GGT5: variants seen among roughly 807,000 people sequenced by gnomAD.
GGT5 encodes the protein gamma-glutamyltransferase 5, also known as glutathione hydrolase 5 proenzyme.
A neutral mutation model predicts 58.1 loss-of-function variants in GGT5; 50 were observed. The ratio of observed to expected loss-of-function variants is 0.86; its 90% confidence interval spans 0.69 to 1.09. The LOEUF is 1.09. Ranked by LOEUF, GGT5 falls within the 50% of genes least tolerant of loss-of-function variation. The pLI, the probability that GGT5 is intolerant of heterozygous loss-of-function variation, is 0.00. For synonymous variants in GGT5, 370 were observed against 346.1 expected (o/e 1.07, Z -0.77); for missense variants, 800 against 789.4 (o/e 1.01, Z -0.16).
chr22:24,220,016 TAC>T lies in GGT5; in HGVS notation c.1713_1714del (p.Tyr572ArgfsTer23). On this transcript the variant is annotated frameshift_variant, in exon 12 of 12. Coordinates refer to ENST00000327365, the MANE Select transcript of GGT5 (RefSeq NM_004121.5). LOFTEE classifies it high-confidence loss of function. ...ACTCTTCCTCAGGTCCGAGACGGCG[TAC>T]ACACAGGCCCCCTCCTGGGACACAG... 1 of 1,614,084 alleles carries T rather than the reference TAC, an allele frequency of 6.2e-7. No homozygotes were observed. The highest frequency in any genetic ancestry group is 8.5e-7 in the Non-Finnish European group (1 of 1,179,964).
chr22:24,239,156 A>G (rs981528931), intron 1 of GGT5, among the ~76,000 whole-genome samples: 11 of 148,100 alleles, frequency 7.4e-5, no homozygotes, highest in African/African-American at 1.5e-4. Flanking sequence ...TGGCTAACAC[A>G]GTGAAACCCG....
In GGT5 at chr22:24,244,812, A is replaced by C. The variant is rs2048432330; in HGVS notation, c.-87T>G. 6.7e-7 allele frequency: 1 copy of C among 1,489,368 alleles called. No individual in the cohort carries two copies. Among genetic ancestry groups the C allele is most frequent in the African/African-American group, 1.4e-5 (1 of 71,782 alleles). 92.3% of individuals were successfully genotyped at this position (1,489,368 alleles called of 1,614,324 possible). ...CAGATGAATGGACAAGAAGATGCAC[A>C]GAGTCACAGGTAATTGGACAGATGG... is the stretch of plus-strand genomic sequence containing the variant. On this transcript the variant is annotated 5_prime_UTR_variant, in exon 1 of 12. Coordinates refer to ENST00000327365, the MANE Select transcript of GGT5 (RefSeq NM_004121.5).
chr22:24,231,701 C>T (rs377587680), intron 5 of GGT5, among the ~76,000 whole-genome samples, 171 bp from the exon 6 acceptor site: 6 of 152,056 alleles, frequency 3.9e-5, no homozygotes, highest in African/African-American at 1.2e-4. Context: ...TGGGGCCAGG[C>T]GTGGAGGGGT....
At chr22:24,231,993 C>T (rs2047955487) in intron 5 of GGT5, 58 bp downstream of exon 5, 1 of 1,468,708 alleles carries the variant, frequency 6.8e-7, no homozygotes, top group South Asian at 1.2e-5. Flanking sequence ...ACCCCCAGTG[C>T]CCAGAACTTG....
In GGT5 at chr22:24,231,393, C is replaced by T. The variant is rs1318930454; in HGVS notation, c.892G>A (p.Val298Met). 1.9e-6 allele frequency: 3 copies of T among 1,548,668 alleles called. No individual in the cohort carries two copies. Among genetic ancestry groups the T allele is most frequent in the African/African-American group, 1.4e-5 (1 of 72,944 alleles). Reference sequence around the variant, plus strand: ...TGGGCAGGGGCTTTACCTCTTAGCACGTTGAGGATAAAGCTGAGAATGGCA... The same window carrying T: ...TGGGCAGGGGCTTTACCTCTTAGCATGTTGAGGATAAAGCTGAGAATGGCA... ...GGAILSFILN[V>M]LRGFNFSTES... The change falls in exon 6 of 12, where the codon GTG becomes ATG. Residue 298 changes from valine to methionine, a missense_variant. By Grantham distance (21) the Val-to-Met change is conservative (BLOSUM62 1). Transcript: ENST00000327365.
intron 11 of GGT5, chr22:24,220,719 G>A (rs1200292296): frequency 4.4e-6 from 2 of 453,272 alleles, no homozygotes; most frequent in African/African-American, 4.0e-5. Context: ...AACAAAGCAA[G>A]ACACCGTCTC....
At position 24,230,686 on chromosome 22, in the gene GGT5, C is replaced by T. The variant is rs1347550052; in HGVS notation, c.901+698G>A. Reference sequence around the variant, plus strand: ...CTCTTTGAAAACTTTTGTCTTCCTTCACCTCCCTGAATACACACATAGTTT... The same window carrying T: ...CTCTTTGAAAACTTTTGTCTTCCTTTACCTCCCTGAATACACACATAGTTT... On this transcript the variant is annotated intron_variant, in intron 6 of 11. Transcript: ENST00000327365. Among the ~76,000 whole-genome samples, 3 of 152,290 alleles carry T rather than the reference C, an allele frequency of 2.0e-5. No individual in the cohort carries two copies. In the East Asian group the frequency reaches 5.8e-4, roughly 29 times the overall value.
chr22:24,225,040 C>T lies in GGT5; in HGVS notation c.1570G>A (p.Val524Ile), dbSNP rs1393864202. ...TACTCCACACAGCCCTTGCTGTTGA[C>T]ATGCAGGATGGGGGCTGCAATGGCC... ...RAAIAAPILH[V>I]NSKGCVEYEP... The change falls in exon 11 of 12, where the codon GTC becomes ATC. Residue 524 changes from valine (V) to isoleucine (I), a missense_variant. Val to Ile is a conservative substitution (Grantham distance 29, BLOSUM62 3). Coordinates refer to ENST00000327365, the MANE Select transcript of GGT5 (RefSeq NM_004121.5). 1.2e-6 allele frequency: 2 copies of T among 1,601,888 alleles called. No individual in the cohort carries two copies. The highest frequency in any genetic ancestry group is 2.3e-5 in the East Asian group (1 of 44,126).
chr22:24,226,560 C>T, intron 7 of GGT5, 71 bp downstream of exon 7: 2 of 1,520,436 alleles, frequency 1.3e-6, no homozygotes, highest in Non-Finnish European at 1.8e-6. Flanking sequence ...CAGGCCTGAC[C>T]CTCATTTCAT....
rs2047993260 is a variant in GGT5 at position 24,232,983 on chromosome 22, C to T, written c.436G>A (p.Gly146Ser). 2 of 1,558,088 alleles carry T rather than the reference C, an allele frequency of 1.3e-6. No individual in the cohort carries two copies. Among genetic ancestry groups the T allele is most frequent in the South Asian group, 1.2e-5 (1 of 84,310 alleles). ...QWIGVPGELR[G>S]YAEAHRRHGR... is the part of the protein sequence containing the mutation. ...TGGCGGCGGTGGGCCTCGGCATAGC[C>T]ACGGAGCTCCCCGGGCACCCCGATC... is the stretch of plus-strand genomic sequence containing the variant. The change falls in exon 4 of 12, where the codon GGC (glycine) becomes AGC (serine). Residue 146 changes from glycine (G) to serine (S), a missense_variant. Coordinates refer to ENST00000327365, the MANE Select transcript of GGT5 (RefSeq NM_004121.5).
At chr22:24,227,529 G>C (rs997339025) in intron 6 of GGT5, among the ~76,000 whole-genome samples, 1 of 152,146 alleles carries the variant, frequency 6.6e-6, no homozygotes, top group African/African-American at 2.4e-5. Flanking sequence ...TTACAGGCAT[G>C]AGCCACCACA....
At chr22:24,236,428 CCA>C (rs1013807103) in intron 1 of GGT5, among the ~76,000 whole-genome samples, 6 of 152,170 alleles carry the variant, frequency 3.9e-5, no homozygotes, top group African/African-American at 1.4e-4. Context: ...GGCCTCCTAC[CCA>C]GGCCCCAGCG....
At chr22:24,225,483 C>G (rs2047725664) in intron 9 of GGT5, 63 bp downstream of exon 9, 22 of 1,593,754 alleles carry the variant, frequency 1.4e-5, no homozygotes, top group Non-Finnish European at 1.6e-5. Context: ...CAGCCCAGCC[C>G]CCTCCCTCCT....
rs1178609122 is a variant in GGT5 at position 24,228,057 on chromosome 22, A to C, written c.902-1290T>G. Among the ~76,000 whole-genome samples the C allele has an allele frequency of 7.5e-4, 92 of 123,444 alleles. 2 individuals carry two copies. The highest frequency in any genetic ancestry group is 2.8e-3 in the African/African-American group (78 of 28,006). 81.0% of individuals were successfully genotyped at this position (123,444 alleles called of 152,430 possible). A position where few individuals can be genotyped will look rare whatever the true frequency, so the allele number is the denominator to read the frequency against. On this transcript the variant is annotated intron_variant, in intron 6 of 11. Coordinates refer to ENST00000327365, the MANE Select transcript of GGT5 (RefSeq NM_004121.5). ...GAGCAAGACTCTGTCTCAAAAAAAA[A>C]AAAAAAAAACAAAACAAAAAAAAAA...
At chr22:24,224,049 C>T (rs1417728482) in intron 11 of GGT5, among the ~76,000 whole-genome samples, 1 of 151,862 alleles carries the variant, frequency 6.6e-6, no homozygotes, top group African/African-American at 2.4e-5. Flanking sequence ...AGGCATGAGC[C>T]ACCATGCCCG....
intron 11 of GGT5, among the ~76,000 whole-genome samples, chr22:24,222,434 T>A (rs1001719253): frequency 1.3e-5 from 2 of 152,262 alleles, no homozygotes; most frequent in African/African-American, 4.8e-5. Context: ...AAGCCAAAGT[T>A]GGACCTTCAG....
At chr22:24,225,168 C>T in intron 10 of GGT5, 62 bp from the exon 11 acceptor site, 1 of 1,580,900 alleles carries the variant, frequency 6.3e-7, no homozygotes, top group South Asian at 1.1e-5. Context: ...CATCAGCCCT[C>T]ACATCCCCAC....
rs137969780 is a variant in GGT5 at position 24,220,962 on chromosome 22, A to T, written c.1615-846T>A. Reference sequence around the variant, plus strand: ...CTACTCAGGAGGCTGAAGCAGGAGGATCCCTTGAGGCTAGGAGTTTGAGGC... The same window carrying T: ...CTACTCAGGAGGCTGAAGCAGGAGGTTCCCTTGAGGCTAGGAGTTTGAGGC... On this transcript the variant is annotated intron_variant, in intron 11 of 11. Transcript: ENST00000327365. 8.0e-5 allele frequency among the ~76,000 whole-genome samples: 12 copies of T among 150,798 alleles called. No individual in the cohort carries two copies. In the East Asian group the frequency reaches 2.3e-3, roughly 29 times the overall value.
chr22:24,232,812 G>A lies in GGT5; in HGVS notation c.596+11C>T. On this transcript the variant is annotated intron_variant, in intron 4 of 11. Transcript: ENST00000327365. ...GAACCCAGGAACCCAGGGCCACCATGTGGGGCTCACCGCAGGGTTGACGCC... is the reference window on the plus strand; with the variant it reads ...GAACCCAGGAACCCAGGGCCACCATATGGGGCTCACCGCAGGGTTGACGCC... The A allele has an allele frequency of 1.3e-6, 2 of 1,489,906 alleles. No individual in the cohort carries two copies. The highest frequency in any genetic ancestry group is 2.6e-5 in the South Asian group (2 of 75,482). The allele number at this position is 1,489,906 out of a possible 1,614,324, so 92.3% of individuals were successfully genotyped here.
Sources: allele counts gnomAD v4.1 joint callset (sites outside exome capture counted in the v4.1 genomes callset), GRCh38; gene constraint gnomAD v4.1.1; transcripts MANE v1.5; gene names NCBI Gene and HGNC (gene_info 2026-07-23, HGNC 2026-07-21).